NADK: variants seen among roughly 807,000 people sequenced by gnomAD.
The protein encoded by NADK is poly(P)/ATP NAD kinase.
NADK carries 22 observed loss-of-function variants against 49.8 expected under a neutral mutation model. The observed-to-expected ratio is 0.44, with a 90% CI of 0.32 to 0.63. The LOEUF is 0.63. Among genes scored for constraint, NADK ranks in the 30% least tolerant of loss-of-function variants. NADK has a pLI of 0.06. For missense variants in NADK, 438 were observed against 609.4 expected (o/e 0.72, Z 2.96); for synonymous variants, 268 against 253.7 (o/e 1.06, Z -0.54).
chr1:1,773,679 TGTGTG>T (rs1646119522), intron 1 of NADK, among the ~76,000 whole-genome samples: 1 of 19,404 alleles, frequency 5.2e-5, no homozygotes, highest in African/African-American at 4.1e-4. Flanking sequence ...CTCTATTTTG[TGTGTG>T]TGTGTGTGTG....
At chr1:1,761,283 A>G (rs1645718766) in intron 3 of NADK, among the ~76,000 whole-genome samples, 1 of 152,002 alleles carries the variant, frequency 6.6e-6, no homozygotes, top group Admixed American at 6.6e-5. Context: ...GAGCCACCGC[A>G]GCTGACCAAT....
intron 2 of NADK, among the ~76,000 whole-genome samples, chr1:1,763,936 G>A (rs1038842432): frequency 6.6e-6 from 1 of 152,206 alleles, no homozygotes; most frequent in Non-Finnish European, 1.5e-5. Context: ...AAGCAATTCT[G>A]TTCACGCAGT....
rs74786939 is a variant in NADK, at chr1:1,762,833, G to A, written c.180-798C>T. Among the ~76,000 whole-genome samples the A allele has an allele frequency of 7.2e-3, 1,098 of 152,320 alleles. 17 individuals carry two copies. Among genetic ancestry groups the A allele is most frequent in the African/African-American group, 0.025 (1,045 of 41,574 alleles). ...TGAACGGCTCAACAACTTTCCTAGT[G>A]ATTTAAACATGGCCAGGTCACAGTT... is the stretch of plus-strand genomic sequence containing the variant. On this transcript the variant is annotated intron_variant, in intron 2 of 11. Coordinates refer to ENST00000341426, the MANE Select transcript of NADK (RefSeq NM_023018.5).
chr1:1,758,241 C>A, intron 3 of NADK: 1 of 1,166,020 alleles, frequency 8.6e-7, no homozygotes, highest in Non-Finnish European at 1.2e-6. Context: ...CCAGCAGTGA[C>A]TTCCCCAGGA....
intron 11 of NADK, among the ~76,000 whole-genome samples, chr1:1,753,340 G>A (rs1645390439): frequency 6.6e-6 from 1 of 152,146 alleles, no homozygotes; most frequent in Non-Finnish European, 1.5e-5. Flanking sequence ...GTGCCAGGGG[G>A]GACACCCTCA....
chr1:1,759,918 A>C, intron 3 of NADK: 1 of 1,550,398 alleles, frequency 6.4e-7, no homozygotes, highest in East Asian at 2.4e-5. Context: ...AGGACCAGGA[A>C]GTGCAGGGAG....
upstream of NADK, chr1:1,780,139 C>G (rs1454692018): frequency 2.0e-5 from 3 of 152,334 alleles, no homozygotes. Context: ...ACCAGCCACA[C>G]CCACAGAAGC....
In NADK at chr1:1,752,931, C is replaced by CTCT. The variant is rs1433758698; in HGVS notation, c.1313_1314insAGA (p.Glu445dup). ...AGCCCTCCTCCTCCTCCTCCTCCTC[C>CTCT]TCCTCGAAGTGGGCTTGCTTCTTCC... is the stretch of plus-strand genomic sequence containing the variant. On this transcript the variant is annotated inframe_insertion, in exon 12 of 12. Transcript: ENST00000341426. 6.2e-7 allele frequency: 1 copy of CTCT among 1,603,224 alleles called. No individual in the cohort carries two copies. The highest frequency in any genetic ancestry group is 2.3e-5 in the East Asian group (1 of 44,392).
intron 4 of NADK, 124 bp downstream of exon 4, chr1:1,757,057 C>T (rs1645549330): frequency 1.4e-6 from 2 of 1,417,958 alleles, no homozygotes; most frequent in Middle Eastern, 2.4e-4. Flanking sequence ...GTCCCCAGTT[C>T]CAGACAAGCA....
At position 1,756,711 on chromosome 1, in the gene NADK, G is replaced by A. The variant is rs965755249; in HGVS notation, c.394-103C>T. 141 of 1,580,124 alleles carry A rather than the reference G, an allele frequency of 8.9e-5. No homozygotes were observed. The South Asian group carries it at 9.9e-4, about 11-fold the overall frequency. ...CTGTGGTCAGAGACCTGGCATCGTG[G>A]CCTGCATGCCCGCCCCCCCACGCTC... is the stretch of plus-strand genomic sequence containing the variant. On this transcript the variant is annotated intron_variant, in intron 4 of 11. Coordinates refer to ENST00000341426, the MANE Select transcript of NADK (RefSeq NM_023018.5).
At chr1:1,756,768 G>A in intron 4 of NADK, 160 bp from the exon 5 acceptor site, 1 of 1,259,020 alleles carries the variant, frequency 7.9e-7, no homozygotes, top group South Asian at 1.2e-5. Flanking sequence ...CGCGCCAGGA[G>A]GAAGCAGGAC....
chr1:1,776,998 A>G (rs976125527), intron 1 of NADK, among the ~76,000 whole-genome samples: 2 of 152,148 alleles, frequency 1.3e-5, no homozygotes, highest in Admixed American at 6.6e-5. Context: ...GGATCAATTG[A>G]GCCCAGGAAT....
At chr1:1,779,775 G>C (rs1368315429), upstream of NADK, 1 of 152,322 alleles carries the variant, frequency 6.6e-6, no homozygotes, top group Non-Finnish European at 1.5e-5. Context: ...GATTATAGGC[G>C]TAAGCCACTG....
At position 1,756,250 on chromosome 1, in the gene NADK, C is replaced by A; in HGVS notation, c.585+8G>T. 9 of 1,613,346 alleles carry A rather than the reference C, an allele frequency of 5.6e-6. No homozygotes were observed. The highest frequency in any genetic ancestry group is 7.6e-6 in the Non-Finnish European group (9 of 1,179,324). Reference sequence around the variant, plus strand: ...CCTGGTGTGGGTCTGGAAATGTCAGCGCTTCACCTGGAAAAGCGAGGAAGC... The same window carrying A: ...CCTGGTGTGGGTCTGGAAATGTCAGAGCTTCACCTGGAAAAGCGAGGAAGC... On this transcript the variant is annotated splice_region_variant and intron_variant, in intron 6 of 11. Transcript: ENST00000341426.
chr1:1,759,895 G>C, intron 3 of NADK: 1 of 1,550,692 alleles, frequency 6.4e-7, no homozygotes, highest in South Asian at 1.2e-5. Context: ...AGTGACAAAG[G>C]AGTGGCTCTG....
rs7407 is a variant in NADK at position 1,753,033 on chromosome 1, C to G, written c.1212G>C (p.Pro404=). 1.2e-6 allele frequency: 2 copies of G among 1,609,042 alleles called. No individual in the cohort carries two copies. The highest frequency in any genetic ancestry group is 1.7e-6 in the Non-Finnish European group (2 of 1,177,936). ...DSISITTSCY[P]LPSICVRDPV... is the part of the protein sequence containing the mutation. ...GGTCCCGCACACAGATGGAGGGGAGCGGGTAGCATGAGGTAGTGATGCTGA... is the reference window on the plus strand; with the variant it reads ...GGTCCCGCACACAGATGGAGGGGAGGGGGTAGCATGAGGTAGTGATGCTGA... Residue 404 remains proline, a synonymous_variant, in exon 12 of 12, where the codon CCG becomes CCC. Coordinates refer to ENST00000341426, the MANE Select transcript of NADK (RefSeq NM_023018.5).
intron 10 of NADK, 140 bp from the exon 11 acceptor site, chr1:1,753,789 A>G (rs1645412130): frequency 1.2e-6 from 1 of 835,652 alleles, no homozygotes; most frequent in Non-Finnish European, 1.9e-6. Context: ...CACGTCCTAC[A>G]GGCACCGGCC....
chr1:1,766,190 G>C (rs1158772274), intron 1 of NADK, among the ~76,000 whole-genome samples: 1 of 151,848 alleles, frequency 6.6e-6, no homozygotes, highest in African/African-American at 2.4e-5. Context: ...TGGCTCACCT[G>C]AGGTCGGGAG....
intron 1 of NADK, among the ~76,000 whole-genome samples, chr1:1,776,772 T>TAA (rs33953907): frequency 2.6e-5 from 3 of 117,082 alleles, no homozygotes; most frequent in South Asian, 2.9e-4. Flanking sequence ...GACTCTGTCT[T>TAA]AAAAAAAAAA....
Sources: allele counts gnomAD v4.1 joint callset (sites outside exome capture counted in the v4.1 genomes callset), GRCh38; gene constraint gnomAD v4.1.1; transcripts MANE v1.5; gene names NCBI Gene and HGNC (gene_info 2026-07-23, HGNC 2026-07-21).